Variants in EMCN observed in about 807,000 individuals in gnomAD.
EMCN encodes endomucin, also known as MUC-14.
In EMCN, 37 loss-of-function variants were observed where a neutral mutation model predicts 38.4. That is an observed-to-expected ratio of 0.96 (90% confidence interval 0.74 to 1.27). The LOEUF is 1.27. Ranked by LOEUF, EMCN falls within the 50% of genes most tolerant of loss-of-function variation. EMCN has a pLI of 0.00. For synonymous variants in EMCN, 95 were observed against 100.8 expected, an observed-to-expected ratio of 0.94 and a Z score of 0.35; for missense variants, 318 against 302.8, an observed-to-expected ratio of 1.05 and a Z score of -0.37.
At chr4:100,482,361 A>G (rs564095183) in intron 1 of EMCN, among the ~76,000 whole-genome samples, 2 of 152,158 alleles carry the variant, frequency 1.3e-5, no homozygotes, top group African/African-American at 4.8e-5. Context: ...TACATTTCTT[A>G]ATGTGATTCT....
intron 4 of EMCN, among the ~76,000 whole-genome samples, chr4:100,458,963 TC>T (rs1226059223): frequency 6.6e-6 from 1 of 152,162 alleles, no homozygotes; most frequent in Non-Finnish European, 1.5e-5. Flanking sequence ...GGAGAGAGGT[TC>T]TTTGCCCTGA....
chr4:100,445,580 C>T (rs1727647060), intron 5 of EMCN, among the ~76,000 whole-genome samples: 1 of 152,060 alleles, frequency 6.6e-6, no homozygotes. Flanking sequence ...AATTTTATGT[C>T]AACTTCTACC....
At chr4:100,478,941 G>C (rs1728732662) in intron 2 of EMCN, among the ~76,000 whole-genome samples, 1 of 152,006 alleles carries the variant, frequency 6.6e-6, no homozygotes, top group Non-Finnish European at 1.5e-5. Context: ...TCAGTGTTCT[G>C]CTATGGAGGG....
chr4:100,464,381 G>C (rs1210796341), intron 4 of EMCN, among the ~76,000 whole-genome samples: 2 of 151,942 alleles, frequency 1.3e-5, no homozygotes, highest in African/African-American at 4.8e-5. Context: ...ATGTATCTAT[G>C]TATTATCCAT....
chr4:100,404,946 A>C (rs1726353614), intron 11 of EMCN, among the ~76,000 whole-genome samples: 1 of 151,970 alleles, frequency 6.6e-6, no homozygotes, highest in Admixed American at 6.6e-5. Flanking sequence ...GGTTAACTAT[A>C]TTCCTAGGTA....
chr4:100,406,501 A>G (rs1726394553), intron 11 of EMCN, among the ~76,000 whole-genome samples: 2 of 152,174 alleles, frequency 1.3e-5, no homozygotes, highest in Admixed American at 1.3e-4. Context: ...CACAAAAGTC[A>G]TTCAGGAGCA....
intron 3 of EMCN, among the ~76,000 whole-genome samples, chr4:100,468,716 T>C (rs1263708459): frequency 6.6e-6 from 1 of 151,996 alleles, no homozygotes; most frequent in East Asian, 1.9e-4. Flanking sequence ...CACTGAAAAC[T>C]ATAAAACATT....
At chr4:100,474,000 C>A in intron 3 of EMCN, 1 of 152,854 alleles carries the variant, frequency 6.5e-6, no homozygotes, top group South Asian at 1.9e-4. Context: ...GTCATGGTCA[C>A]TGTTTGGTGG....
chr4:100,401,777 C>G (rs1370479179), intron 11 of EMCN, among the ~76,000 whole-genome samples: 1 of 152,090 alleles, frequency 6.6e-6, no homozygotes, highest in Non-Finnish European at 1.5e-5. Flanking sequence ...ACCGGACTTT[C>G]TAACACCACA....
At chr4:100,402,351 T>G (rs571778119) in intron 11 of EMCN, among the ~76,000 whole-genome samples, 1 of 152,184 alleles carries the variant, frequency 6.6e-6, no homozygotes, top group Admixed American at 6.6e-5. Flanking sequence ...TCTGTATTAC[T>G]GTTTGCTGTT....
At chr4:100,473,571 G>A (rs1728555051) in intron 3 of EMCN, among the ~76,000 whole-genome samples, 1 of 151,868 alleles carries the variant, frequency 6.6e-6, no homozygotes, top group Admixed American at 6.6e-5. Flanking sequence ...AACATACAGT[G>A]CATTCAAGAA....
intron 11 of EMCN, among the ~76,000 whole-genome samples, chr4:100,409,579 A>G (rs1726491917): frequency 6.6e-6 from 1 of 152,228 alleles, no homozygotes; most frequent in Non-Finnish European, 1.5e-5. Flanking sequence ...GGTTTTGTCA[A>G]GATACCTGGA....
intron 11 of EMCN, among the ~76,000 whole-genome samples, chr4:100,399,743 A>G (rs1726205934): frequency 6.6e-6 from 1 of 152,062 alleles, no homozygotes. Context: ...CAAAATGATA[A>G]ATGACTTATT....
intron 1 of EMCN, among the ~76,000 whole-genome samples, chr4:100,502,027 G>C (rs1218940004): frequency 2.0e-5 from 3 of 152,152 alleles, no homozygotes; most frequent in Non-Finnish European, 4.4e-5. Flanking sequence ...AAAGAAAGAA[G>C]AGAAAAGCTC....
intron 5 of EMCN, among the ~76,000 whole-genome samples, chr4:100,433,815 T>G (rs1350674180): frequency 2.0e-5 from 3 of 151,960 alleles, no homozygotes; most frequent in African/African-American, 7.2e-5. Context: ...GGATTACAGG[T>G]GTGAGCCACT....
chr4:100,403,861 G>T (rs1445810527), intron 11 of EMCN, among the ~76,000 whole-genome samples: 1 of 151,918 alleles, frequency 6.6e-6, no homozygotes, highest in Non-Finnish European at 1.5e-5. Flanking sequence ...TGTTGGCCCT[G>T]TGTATGTCTT....
intron 3 of EMCN, among the ~76,000 whole-genome samples, chr4:100,470,809 C>T (rs1053158469): frequency 1.3e-5 from 2 of 151,958 alleles, no homozygotes; most frequent in African/African-American, 4.8e-5. Flanking sequence ...TGCATGTTCT[C>T]ACTTATAAGT....
chr4:100,445,406 T>C lies in EMCN; in HGVS notation c.415+2127A>G, dbSNP rs1028463632. 5.9e-5 allele frequency among the ~76,000 whole-genome samples: 9 copies of C among 152,294 alleles called. No individual in the cohort carries two copies. The South Asian group carries it at 8.3e-4, about 14-fold the overall frequency. ...ATTTCTAGACGCTTAATAATAGTTTTTGAAGTCGTTGCAAAAATGTAACTT... is the reference window on the plus strand; with the variant it reads ...ATTTCTAGACGCTTAATAATAGTTTCTGAAGTCGTTGCAAAAATGTAACTT... On this transcript the variant is annotated intron_variant, in intron 5 of 11. Coordinates refer to ENST00000296420, the MANE Select transcript of EMCN (RefSeq NM_016242.4).
At chr4:100,516,534 C>T (rs556636708) in intron 1 of EMCN, among the ~76,000 whole-genome samples, 1 of 152,142 alleles carries the variant, frequency 6.6e-6, no homozygotes, top group South Asian at 2.1e-4. Flanking sequence ...GCAATAATTT[C>T]TGTGGTACCA....
Sources: allele counts gnomAD v4.1 joint callset (sites outside exome capture counted in the v4.1 genomes callset), GRCh38; gene constraint gnomAD v4.1.1; transcripts MANE v1.5; gene names NCBI Gene and HGNC (gene_info 2026-07-23, HGNC 2026-07-21).